SH3BP4: variants seen among roughly 807,000 people sequenced by gnomAD.
SH3BP4 encodes SH3 domain-binding protein 4.
A neutral mutation model predicts 65.5 loss-of-function variants in SH3BP4; 33 were observed. The observed-to-expected ratio is 0.50, with a 90% CI of 0.38 to 0.67. SH3BP4 has a LOEUF of 0.67. Ranked by LOEUF, SH3BP4 falls within the 30% of genes least tolerant of loss-of-function variation. SH3BP4 has a pLI of 0.00. For synonymous variants in SH3BP4, 552 were observed against 545.5 expected (o/e 1.01, Z -0.17); for missense variants, 1,134 against 1,261.4 (o/e 0.90, Z 1.53).
chr2:235,041,267 G>A lies in SH3BP4; in HGVS notation c.498G>A (p.Gln166=). ...ATAACCCTTTCTGGAATGGGGTCCAGACCAATCCATTTCTGAATGGGAACG... is the reference window on the plus strand; with the variant it reads ...ATAACCCTTTCTGGAATGGGGTCCAAACCAATCCATTTCTGAATGGGAACG... The part of the protein sequence containing the change: ...YSNNPFWNGV[Q]TNPFLNGNVP... Residue 166 remains glutamine, a synonymous_variant, in exon 4 of 6, where the codon CAG becomes CAA. Transcript: ENST00000392011. This position sits in a 1 kb window ranked among gnomAD's most constrained non-coding sequence, Gnocchi z 6.0. 1 of 1,614,168 alleles carries A rather than the reference G, an allele frequency of 6.2e-7. No homozygotes were observed. The highest frequency in any genetic ancestry group is 8.5e-7 in the Non-Finnish European group (1 of 1,180,040).
intron 2 of SH3BP4, among the ~76,000 whole-genome samples, chr2:235,027,768 CAGGAGAACGG>C (rs1231514780): frequency 6.6e-6 from 1 of 152,228 alleles, no homozygotes; most frequent in East Asian, 1.9e-4. Flanking sequence ...TTCGTGGCCG[CAGGAGAACGG>C]AGGAGAACGT....
chr2:234,981,800 C>T (rs765652357), intron 1 of SH3BP4: 10 of 152,072 alleles, frequency 6.6e-5, no homozygotes, highest in South Asian at 2.1e-4. Context: ...AGAATCATAC[C>T]GGAGTGGAAA....
intron 1 of SH3BP4, among the ~76,000 whole-genome samples, chr2:234,962,448 CAA>C (rs912952620): frequency 6.6e-6 from 1 of 151,080 alleles, no homozygotes; most frequent in Non-Finnish European, 1.5e-5. Flanking sequence ...TCTTCTTTTC[CAA>C]AAAAAATAAT....
chr2:235,028,825 G>A (rs953245921), intron 2 of SH3BP4, among the ~76,000 whole-genome samples: 7 of 152,188 alleles, frequency 4.6e-5, no homozygotes, highest in African/African-American at 1.7e-4. Context: ...TCTGGGCTGA[G>A]AGCACTGCAT....
chr2:235,038,307 ATATATT>A (rs1695479181), intron 3 of SH3BP4, among the ~76,000 whole-genome samples: 1 of 14,224 alleles, frequency 7.0e-5, no homozygotes, highest in African/African-American at 3.8e-4. Flanking sequence ...TATTATATAT[ATATATT>A]ATATATTATA....
chr2:235,005,216 A>ATGTC (rs1005392917), intron 2 of SH3BP4, among the ~76,000 whole-genome samples: 11 of 152,142 alleles, frequency 7.2e-5, no homozygotes, highest in South Asian at 2.1e-4. Context: ...TGTGCTGGCC[A>ATGTC]TGTCTGTCTG....
At chr2:235,024,631 C>G (rs963943690) in intron 2 of SH3BP4, among the ~76,000 whole-genome samples, 1 of 152,084 alleles carries the variant, frequency 6.6e-6, no homozygotes, top group East Asian at 1.9e-4. Context: ...AAAAGTGAGG[C>G]CTCAGTTTTC....
chr2:235,012,305 C>T (rs555360318), intron 2 of SH3BP4, among the ~76,000 whole-genome samples: 30 of 152,304 alleles, frequency 2.0e-4, no homozygotes, highest in African/African-American at 5.8e-4. Flanking sequence ...AGTGACCCAG[C>T]GTCTTCACCC....
rs1205647659 is a variant in SH3BP4, at chr2:234,991,487, A to C, written c.-206-3816A>C. Among the ~76,000 whole-genome samples, 1 of 152,222 alleles carries C rather than the reference A, an allele frequency of 6.6e-6. No individual in the cohort carries two copies. The highest frequency in any genetic ancestry group is 6.5e-5 in the Admixed American group (1 of 15,286). ...TTGTGGTTTTTGGAGATTTGCCCCA[A>C]ATCATGGTTAATGACAACACTGATG... On this transcript the variant is annotated intron_variant, in intron 1 of 5. Coordinates refer to ENST00000392011, the MANE Select transcript of SH3BP4 (RefSeq NM_014521.3). The surrounding 1 kb of genome is among the most constrained non-coding windows in gnomAD (Gnocchi z 4.2).
In SH3BP4 at chr2:235,045,418, C is replaced by T. The variant is rs185419351; in HGVS notation, c.2478+2171C>T. 1.1e-3 allele frequency among the ~76,000 whole-genome samples: 169 copies of T among 152,184 alleles called. No homozygotes were observed. Among genetic ancestry groups the T allele is most frequent in the Middle Eastern group, 3.4e-3 (1 of 294 alleles). ...CATAAATGATCAAACTCTCTCAATT[C>T]GATTGGTGAGCATCTCTGGGAGGGG... On this transcript the variant is annotated intron_variant, in intron 4 of 5. Coordinates refer to ENST00000392011, the MANE Select transcript of SH3BP4 (RefSeq NM_014521.3). This position sits in a 1 kb window ranked among gnomAD's most constrained non-coding sequence, Gnocchi z 4.3.
In SH3BP4 at chr2:235,054,142, A is replaced by G. The variant is rs771073282; in HGVS notation, c.*326A>G. On this transcript the variant is annotated 3_prime_UTR_variant, in exon 6 of 6. Coordinates refer to ENST00000392011, the MANE Select transcript of SH3BP4 (RefSeq NM_014521.3). ...TTTTTTTATGGACCATAAAGGTTTA[A>G]AAGAAAATAGGGGCACAGGCTGTTG... 6.0e-5 allele frequency: 16 copies of G among 268,508 alleles called. No homozygotes were observed. The highest frequency in any genetic ancestry group is 8.5e-5 in the Non-Finnish European group (12 of 140,568). The allele number at this position is 268,508 out of a possible 1,614,324, so 16.6% of individuals were successfully genotyped here.
Position 235,041,540 on chromosome 2 carries a change from C to T in SH3BP4, c.771C>T (p.Ser257=), listed in dbSNP as rs141919221. The T allele has an allele frequency of 9.9e-6, 16 of 1,614,162 alleles. No individual in the cohort carries two copies. Among genetic ancestry groups the T allele is most frequent in the African/African-American group, 5.3e-5 (4 of 75,066 alleles). Residue 257 remains serine, a synonymous_variant, in exon 4 of 6, where the codon TCC becomes TCT. Coordinates refer to ENST00000392011, the MANE Select transcript of SH3BP4 (RefSeq NM_014521.3). The surrounding 1 kb of genome is among the most constrained non-coding windows in gnomAD (Gnocchi z 6.0). ...LSELSVLQAK[S]DAPTSSSFFT... is the part of the protein sequence containing the mutation. The stretch of plus-strand genomic sequence containing the variant: ...AACTCTCCGTCCTCCAAGCCAAGTC[C>T]GATGCTCCCACATCGTCGAGTTTCT...
At chr2:235,031,121 G>A (rs974925430) in intron 2 of SH3BP4, among the ~76,000 whole-genome samples, 2 of 152,094 alleles carry the variant, frequency 1.3e-5, no homozygotes, top group Non-Finnish European at 1.5e-5. Flanking sequence ...AGTGGTGCCC[G>A]TGGGAACATG....
chr2:234,967,812 C>T lies in SH3BP4; in HGVS notation c.-207+15642C>T, dbSNP rs79520989. ...TGGTGGAGAGGATCAGAGCCAGGATCCCTGCCACCCTGAGTGGCGGATGCT... is the reference window on the plus strand; with the variant it reads ...TGGTGGAGAGGATCAGAGCCAGGATTCCTGCCACCCTGAGTGGCGGATGCT... On this transcript the variant is annotated intron_variant, in intron 1 of 5. Transcript: ENST00000392011. The surrounding 1 kb of genome is among the most constrained non-coding windows in gnomAD (Gnocchi z 4.6). Among the ~76,000 whole-genome samples the T allele has an allele frequency of 4.7e-3, 717 of 152,270 alleles. 1 individual carries two copies. Among genetic ancestry groups the T allele is most frequent in the Non-Finnish European group, 6.8e-3 (463 of 68,008 alleles).
chr2:235,030,256 G>A lies in SH3BP4; in HGVS notation c.-132-4615G>A, dbSNP rs536067644. Among the ~76,000 whole-genome samples the A allele has an allele frequency of 3.7e-4, 56 of 152,270 alleles. No homozygotes were observed. The highest frequency in any genetic ancestry group is 1.0e-3 in the African/African-American group (42 of 41,548). On this transcript the variant is annotated intron_variant, in intron 2 of 5. Coordinates refer to ENST00000392011, the MANE Select transcript of SH3BP4 (RefSeq NM_014521.3). This position sits in a 1 kb window ranked among gnomAD's most constrained non-coding sequence, Gnocchi z 4.1. ...CAGGGGCCCAGCAGCCACTGGCAGC[G>A]AAGGCCTGAGCAACTCTGGGCGTGG...
At chr2:234,983,524 GC>G (rs1693455681) in intron 1 of SH3BP4, among the ~76,000 whole-genome samples, 3 of 152,300 alleles carry the variant, frequency 2.0e-5, no homozygotes, top group African/African-American at 7.2e-5. Context: ...GGTGTGGTCG[GC>G]TGAGTAATCC....
chr2:234,992,660 G>A (rs568950337), intron 1 of SH3BP4, among the ~76,000 whole-genome samples: 5 of 149,100 alleles, frequency 3.4e-5, no homozygotes, highest in East Asian at 3.9e-4. Flanking sequence ...TTCCTGCTGC[G>A]TGGCTCTGGG....
At chr2:235,032,585 GGGGCTGCC>G (rs1286565965) in intron 2 of SH3BP4, among the ~76,000 whole-genome samples, 1 of 152,170 alleles carries the variant, frequency 6.6e-6, no homozygotes, top group African/African-American at 2.4e-5. Context: ...CTTGCATTTC[GGGGCTGCC>G]GGGCTGCCTG....
At chr2:234,986,122 G>A (rs1693552334) in intron 1 of SH3BP4, among the ~76,000 whole-genome samples, 1 of 152,156 alleles carries the variant, frequency 6.6e-6, no homozygotes, top group African/African-American at 2.4e-5. Flanking sequence ...CAGGGTCCAT[G>A]TGCAGGTGAA....
Sources: gnomAD v4.1 joint callset for allele counts (sites outside exome capture counted in the v4.1 genomes callset) on GRCh38, gnomAD v4.1.1 for gene constraint, Gnocchi (gnomAD v3.1) non-coding constraint, MANE v1.5 for transcripts, NCBI Gene and HGNC (gene_info 2026-07-23, HGNC 2026-07-21) for gene names.